Variants in TBC1D8B observed in about 807,000 individuals in gnomAD.
TBC1D8B encodes TBC1 domain family member 8B.
TBC1D8B carries 75 observed loss-of-function variants against 82.9 expected under a neutral mutation model. The ratio of observed to expected loss-of-function variants is 0.90; its 90% confidence interval spans 0.75 to 1.10. The LOEUF (loss-of-function observed/expected upper bound fraction) is 1.10, where lower values mean the gene tolerates loss of function less well. Among genes scored for constraint, TBC1D8B ranks in the 50% least tolerant of loss-of-function variants. The pLI, the probability that TBC1D8B is intolerant of heterozygous loss-of-function variation, is 0.00. For synonymous variants in TBC1D8B, 276 were observed against 276.8 expected (o/e 1.00, Z 0.03); for missense variants, 794 against 796.9 (o/e 1.00, Z 0.04).
rs55764545 is a variant in TBC1D8B, at chrX:106,842,601, CTCTATCTATCTATCTATCTATCTA to C, written c.1719+1747_1719+1770del. Among the ~76,000 whole-genome samples the C allele has an allele frequency of 8.2e-3, 783 of 95,321 alleles. 8 individuals carry two copies. The highest frequency in any genetic ancestry group is 0.028 in the African/African-American group (747 of 26,471). The allele number at this position is 95,321 out of a possible 115,157, so 82.8% of individuals were successfully genotyped here. A position where few individuals can be genotyped will look rare whatever the true frequency, so the allele number is the denominator to read the frequency against. On this transcript the variant is annotated intron_variant, in intron 10 of 20. Transcript: ENST00000357242. ...GTGAGACACATGGCTGGCTAGCTTG[CTCTATCTATCTATCTATCTATCTA>C]TCTATCTATCTATCTATCTATCTAT...
At chrX:106,849,012 C>T (rs957202319) in intron 11 of TBC1D8B, among the ~76,000 whole-genome samples, 1 of 106,377 alleles carries the variant, frequency 9.4e-6, no homozygotes, top group Non-Finnish European at 1.9e-5. Context: ...CTCCTGACCT[C>T]GTGATCCACC....
chrX:106,871,218 A>G (rs1423510668), intron 20 of TBC1D8B, among the ~76,000 whole-genome samples: 1 of 111,497 alleles, frequency 9.0e-6, no homozygotes, highest in African/African-American at 3.3e-5. Flanking sequence ...ATCTGAACAT[A>G]ATTTTAAGTT....
intron 1 of TBC1D8B, among the ~76,000 whole-genome samples, chrX:106,804,924 C>T (rs780346859): frequency 9.1e-6 from 1 of 110,188 alleles, no homozygotes; most frequent in Non-Finnish European, 1.9e-5. Context: ...ATTTTATAGT[C>T]CCGTGTTACA....
intron 10 of TBC1D8B, among the ~76,000 whole-genome samples, chrX:106,846,642 C>G (rs185496919): frequency 2.5e-4 from 28 of 111,764 alleles, no homozygotes; most frequent in Non-Finnish European, 4.3e-4. Flanking sequence ...AGTTCTTACT[C>G]TGCCATTTTT....
chrX:106,864,968 A>G (rs1005699864), intron 14 of TBC1D8B, among the ~76,000 whole-genome samples: 1 of 111,257 alleles, frequency 9.0e-6, no homozygotes, highest in African/African-American at 3.3e-5. Context: ...TACTGAGTCT[A>G]CCGGGTTTTT....
chrX:106,831,051 T>C (rs12397301), intron 7 of TBC1D8B, among the ~76,000 whole-genome samples: 6,821 of 110,751 alleles, frequency 0.062, 550 homozygotes, highest in African/African-American at 0.21. Flanking sequence ...CAGGTCAAAT[T>C]CAAATGAATT....
At chrX:106,865,666 T>C (rs1463732905) in intron 15 of TBC1D8B, 39 bp downstream of exon 15, 2 of 1,127,816 alleles carry the variant, frequency 1.8e-6, no homozygotes, top group Non-Finnish European at 2.4e-6. Flanking sequence ...TAATGCTTTT[T>C]TTTAGCAGAA....
chrX:106,824,052 G>A (rs1040242372), intron 5 of TBC1D8B, among the ~76,000 whole-genome samples: 2 of 111,046 alleles, frequency 1.8e-5, no homozygotes, highest in African/African-American at 6.5e-5. Flanking sequence ...AAAATATGAG[G>A]CAAATATTAA....
rs1932555136 is a variant in TBC1D8B, at chrX:106,850,076, C to T, written c.1889C>T (p.Pro630Leu). 1.7e-6 allele frequency: 2 copies of T among 1,208,415 alleles called. No individual in the cohort carries two copies. The highest frequency in any genetic ancestry group is 2.2e-6 in the Non-Finnish European group (2 of 894,488). The change falls in exon 12 of 21, where the codon CCT (proline) becomes CTT (leucine). Residue 630 changes from proline to leucine, a missense_variant. By Grantham distance (98) the Pro-to-Leu change is moderately conservative. Transcript: ENST00000357242. The part of the protein sequence containing the change: ...VFEELIRDHL[P>L]QLTEHMTDMT... ...GAAGAACTTATCAGGGATCACCTTC[C>T]TCAGCTGACAGAACACATGACTGAT... is the stretch of plus-strand genomic sequence containing the variant.
intron 19 of TBC1D8B, 111 bp downstream of exon 19, chrX:106,869,652 G>A (rs1479098640): frequency 6.3e-6 from 3 of 472,998 alleles, no homozygotes; most frequent in Non-Finnish European, 1.0e-5. Flanking sequence ...TGATGTCTCA[G>A]AAATTATAGA....
intron 14 of TBC1D8B, among the ~76,000 whole-genome samples, chrX:106,854,720 T>G (rs1932663877): frequency 2.7e-5 from 3 of 110,453 alleles, no homozygotes; most frequent in African/African-American, 9.9e-5. Context: ...CTCAGTATGT[T>G]TCCCAGGCTG....
At chrX:106,869,135 T>G (rs1676663392) in intron 18 of TBC1D8B, among the ~76,000 whole-genome samples, 1 of 111,993 alleles carries the variant, frequency 8.9e-6, no homozygotes, top group Admixed American at 9.5e-5. Flanking sequence ...GTCAGGGCTT[T>G]GTAGCACACT....
Position 106,802,676 on chromosome X carries a change from A to G in TBC1D8B, c.-178A>G. On this transcript the variant is annotated 5_prime_UTR_variant, in exon 1 of 21. Coordinates refer to ENST00000357242, the MANE Select transcript of TBC1D8B (RefSeq NM_017752.3). ...GGTAGCGCTGTGGGAGGGAATTGGC[A>G]ATCTCTCTGCCTACGTGGGAGAGAA... is the stretch of plus-strand genomic sequence containing the variant. The G allele has an allele frequency of 1.7e-6, 1 of 589,646 alleles. No homozygotes were observed. The highest frequency in any genetic ancestry group is 2.6e-6 in the Non-Finnish European group (1 of 379,319). The allele number at this position is 589,646 out of a possible 1,213,427, so 48.6% of individuals were successfully genotyped here. A position where few individuals can be genotyped will look rare whatever the true frequency, so the allele number is the denominator to read the frequency against.
Position 106,840,710 on chromosome X carries a change from T to C in TBC1D8B, c.1545T>C (p.Thr515=). ...TGGCTACTAATCCTGACTATTATAC[T>C]GAAGTGGTTGAGCAGTCCTTAGGGA... ...NDMATNPDYY[T]EVVEQSLGTC... is the part of the protein sequence containing the mutation. Residue 515 remains threonine, a synonymous_variant, in exon 10 of 21, where the codon ACT becomes ACC. Transcript: ENST00000357242. The C allele has an allele frequency of 1.2e-5, 15 of 1,211,539 alleles. No homozygotes were observed. Among genetic ancestry groups the C allele is most frequent in the Non-Finnish European group, 1.7e-5 (15 of 895,257 alleles).
intron 2 of TBC1D8B, among the ~76,000 whole-genome samples, chrX:106,819,172 A>G (rs982451095): frequency 9.0e-6 from 1 of 110,903 alleles, no homozygotes; most frequent in Non-Finnish European, 1.9e-5. Context: ...CCAAAACATA[A>G]TGACTCCTAA....
intron 1 of TBC1D8B, among the ~76,000 whole-genome samples, chrX:106,817,344 T>C (rs1931572420): frequency 9.0e-6 from 1 of 110,934 alleles, no homozygotes; most frequent in East Asian, 2.8e-4. Context: ...CAGCCTAATA[T>C]ATGCTAGGTT....
rs1440940553 is a variant in TBC1D8B, at chrX:106,866,835, CT to C, written c.2702del (p.Leu901ArgfsTer14). The C allele has an allele frequency of 8.4e-7, 1 of 1,190,397 alleles. No homozygotes were observed. Among genetic ancestry groups the C allele is most frequent in the Admixed American group, 2.3e-5 (1 of 43,769 alleles). ...YNGSFTEKLK[L>X]LFKLHIPPAY... ...TGGAAGTTTTACTGAGAAGCTTAAG[CT>C]GCTTTTTAAGCTACATATTCCTCCA... On this transcript the variant is annotated frameshift_variant, in exon 17 of 21. Coordinates refer to ENST00000357242, the MANE Select transcript of TBC1D8B (RefSeq NM_017752.3). LOFTEE classifies it high-confidence loss of function.
chrX:106,823,626 C>T (rs1345026950), intron 5 of TBC1D8B, among the ~76,000 whole-genome samples, 160 bp downstream of exon 5: 1 of 110,452 alleles, frequency 9.1e-6, no homozygotes, highest in Admixed American at 9.7e-5. Flanking sequence ...TATTCATATG[C>T]ATTACATAAA....
chrX:106,869,594 T>C, intron 19 of TBC1D8B, 53 bp downstream of exon 19: 8 of 1,003,559 alleles, frequency 8.0e-6, no homozygotes, highest in Non-Finnish European at 1.1e-5. Context: ...TTTATGTAAA[T>C]AAGGATAGCT....
Sources: allele counts gnomAD v4.1 joint callset (sites outside exome capture counted in the v4.1 genomes callset), GRCh38; gene constraint gnomAD v4.1.1; transcripts MANE v1.5; gene names NCBI Gene and HGNC (gene_info 2026-07-23, HGNC 2026-07-21).